Variants in PDE6A observed in about 807,000 individuals in gnomAD.
PDE6A encodes rod cGMP-specific 3',5'-cyclic phosphodiesterase subunit alpha.
PDE6A carries 84 observed loss-of-function variants against 106.3 expected under a neutral mutation model. The ratio of observed to expected loss-of-function variants is 0.79; its 90% CI spans 0.66 to 0.95. The LOEUF (loss-of-function observed/expected upper bound fraction) is 0.95, where lower values mean the gene tolerates loss of function less well. PDE6A is among the 40% of genes least tolerant of loss of function. The pLI is 0.00. For missense variants in PDE6A, 1,052 were observed against 1,084.9 expected, an observed-to-expected ratio of 0.97 and a Z score of 0.43; for synonymous variants, 394 against 386.6, an observed-to-expected ratio of 1.02 and a Z score of -0.23.
intron 17 of PDE6A, among the ~76,000 whole-genome samples, chr5:149,869,048 G>A (rs1275663321): frequency 6.6e-6 from 1 of 152,226 alleles, no homozygotes; most frequent in East Asian, 1.9e-4. Flanking sequence ...GCTTGGAAAG[G>A]GCCAGGTGCC....
At chr5:149,888,858 C>T (rs918791136) in intron 13 of PDE6A, among the ~76,000 whole-genome samples, 73 of 151,658 alleles carry the variant, frequency 4.8e-4, no homozygotes, top group African/African-American at 1.6e-3. Context: ...CCGAGGCGGG[C>T]GGATCACGAG....
intron 17 of PDE6A, among the ~76,000 whole-genome samples, chr5:149,880,414 G>GA (rs538613416): frequency 6.6e-6 from 1 of 152,016 alleles, no homozygotes; most frequent in East Asian, 1.9e-4. Flanking sequence ...AAAACATTAG[G>GA]AAAAAACAGA....
chr5:149,887,768 A>G (rs2544935), intron 13 of PDE6A, among the ~76,000 whole-genome samples: 25,572 of 151,574 alleles, frequency 0.17, 2,302 homozygotes, highest in South Asian at 0.27. Flanking sequence ...ACCGAGACAA[A>G]AGCAAAACCG....
chr5:149,874,499 A>C (rs1581156279), intron 17 of PDE6A, among the ~76,000 whole-genome samples: 1 of 131,644 alleles, frequency 7.6e-6, no homozygotes, highest in Admixed American at 6.9e-5. Context: ...ACCACCTCGA[A>C]GTATTCACCA....
intron 4 of PDE6A, among the ~76,000 whole-genome samples, chr5:149,927,142 G>A (rs186115098): frequency 6.6e-6 from 1 of 152,234 alleles, no homozygotes; most frequent in East Asian, 1.9e-4. Flanking sequence ...CATTACTCCA[G>A]ATTGTATAGC....
At chr5:149,923,335 C>A (rs965929159) in intron 4 of PDE6A, among the ~76,000 whole-genome samples, 2 of 151,828 alleles carry the variant, frequency 1.3e-5, no homozygotes, top group African/African-American at 4.8e-5. Flanking sequence ...CCGTCTCTAC[C>A]AAAAATACAA....
rs1461821552 is a variant in PDE6A, at chr5:149,884,818, G to A, written c.1888C>T (p.His630Tyr). 1 of 1,614,184 alleles carries A rather than the reference G, an allele frequency of 6.2e-7. No individual in the cohort carries two copies. The highest frequency in any genetic ancestry group is 8.5e-7 in the Non-Finnish European group (1 of 1,180,022). Residue 630 changes from histidine to tyrosine, a missense_variant, in exon 15 of 22, where the codon CAC becomes TAC. Physicochemically the swap from His to Tyr is moderately conservative, Grantham distance 83. Coordinates refer to ENST00000255266, the MANE Select transcript of PDE6A (RefSeq NM_000440.3). Reference protein sequence around the residue: ...KLHGSSILERHHLEFGKTLLR... With the variant: ...KLHGSSILERYHLEFGKTLLR... ...AGTGTTTTGCCAAACTCCAAGTGGTGTCTTTCCAAGATAGAGGACCCATGG... is the reference window on the plus strand; with the variant it reads ...AGTGTTTTGCCAAACTCCAAGTGGTATCTTTCCAAGATAGAGGACCCATGG...
intron 12 of PDE6A, among the ~76,000 whole-genome samples, chr5:149,895,951 T>C (rs1283474814): frequency 6.6e-6 from 1 of 152,166 alleles, no homozygotes; most frequent in Non-Finnish European, 1.5e-5. Flanking sequence ...CTCCCACACA[T>C]ACCTTCTCTG....
chr5:149,897,320 A>G (rs142678682), intron 10 of PDE6A, among the ~76,000 whole-genome samples: 2 of 152,162 alleles, frequency 1.3e-5, no homozygotes, highest in Non-Finnish European at 2.9e-5. Flanking sequence ...AGGAGGGGGA[A>G]CTGGACCCAG....
In PDE6A at chr5:149,886,349, G is replaced by C. The variant is rs547792004; in HGVS notation, c.1754C>G (p.Thr585Arg). Residue 585 changes from threonine (T) to arginine (R), a missense_variant, in exon 14 of 22, where the codon ACG becomes AGG. By Grantham distance (71) the Thr-to-Arg change is moderately conservative. Transcript: ENST00000255266. ...LVTGKLKRYF[T>R]DLEALAMVTA... ...GACCATGGCCAAGGCCTCTAGGTCC[G>C]TGAAGTAGCGCTTCAGCTTTCCCGT... 2 of 1,613,880 alleles carry C rather than the reference G, an allele frequency of 1.2e-6. No homozygotes were observed. The highest frequency in any genetic ancestry group is 1.3e-5 in the African/African-American group (1 of 74,938).
rs1414478758 is a variant in PDE6A, at chr5:149,944,490, A to G, written c.184T>C (p.Phe62Leu). The change falls in exon 1 of 22, where the codon TTT (phenylalanine) becomes CTT (leucine). Residue 62 changes from phenylalanine to leucine, a missense_variant. Phe to Leu is a conservative substitution (Grantham distance 22). Transcript: ENST00000255266. ...TCCTGAAAGTCCCGCAGGAGATCAA[A>G]GATGATTTCGCTCTCCTCCATGCTG... Reference protein sequence around the residue: ...PSSMEESEIIFDLLRDFQENL... With the variant: ...PSSMEESEIILDLLRDFQENL... 5.6e-6 allele frequency: 9 copies of G among 1,614,114 alleles called. 1 individual carries two copies. Among genetic ancestry groups the G allele is most frequent in the Non-Finnish European group, 7.6e-6 (9 of 1,180,008 alleles).
chr5:149,907,217 C>T, intron 7 of PDE6A, 95 bp downstream of exon 7: 1 of 957,044 alleles, frequency 1.0e-6, no homozygotes, highest in East Asian at 2.4e-5. Context: ...TCCACACTTG[C>T]CATCATCTTT....
rs779057640 is a variant in PDE6A at position 149,944,550 on chromosome 5, C to A, written c.124G>T (p.Ala42Ser). 1 of 1,614,018 alleles carries A rather than the reference C, an allele frequency of 6.2e-7. No individual in the cohort carries two copies. The highest frequency in any genetic ancestry group is 1.1e-5 in the South Asian group (1 of 91,070). The change falls in exon 1 of 22, where the codon GCT (alanine) becomes TCT (serine). Residue 42 changes from alanine (A) to serine (S), a missense_variant. Physicochemically the swap from Ala to Ser is moderately conservative, Grantham distance 99. This residue lies in a region of PDE6A where 913 missense variants were observed against 915.2 expected (regional missense o/e 1.00). Coordinates refer to ENST00000255266, the MANE Select transcript of PDE6A (RefSeq NM_000440.3). ...TGGTAGTTGCTGAAGTCCACGGCAG[C>A]CTCCTTGGCCCCAAGGAGGTCGGAG... ...LISDLLGAKE[A>S]AVDFSNYHSP...
chr5:149,902,773 G>A (rs1421131689), intron 8 of PDE6A, among the ~76,000 whole-genome samples: 4 of 150,428 alleles, frequency 2.7e-5, no homozygotes, highest in African/African-American at 9.8e-5. Context: ...AGTGAGCCGA[G>A]ATCACGCCAC....
rs543202417 is a variant in PDE6A, at chr5:149,927,516, G to A, written c.858+3512C>T. On this transcript the variant is annotated intron_variant, in intron 4 of 21. Coordinates refer to ENST00000255266, the MANE Select transcript of PDE6A (RefSeq NM_000440.3). ...CAGATTCGGACTCCTGGTCTCAAGC[G>A]ATTCTTCTACCGCAGCCTCTTGAGT... Among the ~76,000 whole-genome samples the A allele has an allele frequency of 5.9e-5, 9 of 152,180 alleles. No homozygotes were observed. The South Asian group carries it at 1.0e-3, about 18-fold the overall frequency.
intron 1 of PDE6A, among the ~76,000 whole-genome samples, 187 bp from the exon 2 acceptor site, chr5:149,934,905 T>C (rs1754140434): frequency 6.6e-6 from 1 of 152,064 alleles, no homozygotes; most frequent in African/African-American, 2.4e-5. Context: ...AAGTCTGAGA[T>C]GAAATCCACT....
intron 17 of PDE6A, among the ~76,000 whole-genome samples, chr5:149,873,704 A>T (rs1311213128): frequency 6.6e-6 from 1 of 152,162 alleles, no homozygotes; most frequent in Non-Finnish European, 1.5e-5. Flanking sequence ...CTCATGAGCC[A>T]TACACAAACA....
rs760809288 is a variant in PDE6A at position 149,863,297 on chromosome 5, AG to A, written c.2359-32del. On this transcript the variant is annotated intron_variant, in intron 20 of 21. Transcript: ENST00000255266. This position sits in a 1 kb window ranked among gnomAD's most constrained non-coding sequence, Gnocchi z 4.7. ...AGAGAGAGTATGTGCCTCTGGTGCAAGGGCCAGGCCACAGGGTCTGGGCTCA... is the reference window on the plus strand; with the variant it reads ...AGAGAGAGTATGTGCCTCTGGTGCAAGGCCAGGCCACAGGGTCTGGGCTCA... 2 of 1,613,286 alleles carry A rather than the reference AG, an allele frequency of 1.2e-6. No homozygotes were observed. The highest frequency in any genetic ancestry group is 4.5e-5 in the East Asian group (2 of 44,870).
intron 6 of PDE6A, among the ~76,000 whole-genome samples, chr5:149,909,541 C>T (rs975095946): frequency 1.3e-5 from 2 of 152,190 alleles, no homozygotes; most frequent in African/African-American, 4.8e-5. Flanking sequence ...TCCACACACA[C>T]CTTTGCAATT....
Sources: allele counts gnomAD v4.1 joint callset (sites outside exome capture counted in the v4.1 genomes callset), GRCh38; gene constraint gnomAD v4.1.1; regional missense constraint gnomAD v4.1.1; non-coding constraint Gnocchi (gnomAD v3.1); transcripts MANE v1.5; gene names NCBI Gene and HGNC (gene_info 2026-07-23, HGNC 2026-07-21).